The following PIWIL2 variants were observed in gnomAD, a reference collection of about 807,000 sequenced individuals.
The protein encoded by PIWIL2 is piwi like RNA-mediated gene silencing 2.
Under a neutral mutation model 116.5 loss-of-function variants are expected in PIWIL2, and 81 were observed. The observed-to-expected ratio is 0.70, with a 90% CI of 0.58 to 0.84. The LOEUF is 0.84. Ranked by LOEUF, PIWIL2 falls within the 40% of genes least tolerant of loss-of-function variation. The pLI is 0.00. For missense variants in PIWIL2, 1,272 were observed against 1,212.3 expected, an observed-to-expected ratio of 1.05 and a Z score of -0.73; for synonymous variants, 489 against 429.5, an observed-to-expected ratio of 1.14 and a Z score of -1.71.
chr8:22,353,239 G>C (rs1268393662), intron 21 of PIWIL2, 27 bp downstream of exon 21: 1 of 1,586,620 alleles, frequency 6.3e-7, no homozygotes, highest in Admixed American at 1.7e-5. Flanking sequence ...TGTAGTATTG[G>C]AGGAAGAATA....
intron 16 of PIWIL2, 108 bp downstream of exon 16, chr8:22,311,408 C>A: frequency 2.3e-6 from 2 of 861,820 alleles, no homozygotes; most frequent in Non-Finnish European, 3.6e-6. Context: ...TGCCCTAGAA[C>A]TTGTCTTACC....
chr8:22,309,007 G>A (rs1183700316), intron 14 of PIWIL2, among the ~76,000 whole-genome samples: 1 of 151,760 alleles, frequency 6.6e-6, no homozygotes, highest in African/African-American at 2.4e-5. Context: ...TGTTGGCCAG[G>A]CTGGAGTGTA....
intron 6 of PIWIL2, among the ~76,000 whole-genome samples, chr8:22,286,879 C>T (rs2131991975): frequency 6.6e-6 from 1 of 152,014 alleles, no homozygotes; most frequent in Non-Finnish European, 1.5e-5. Flanking sequence ...ACCTCGGCCT[C>T]CCAAAGTGCT....
At chr8:22,296,900 CA>C (rs1301020637) in intron 10 of PIWIL2, among the ~76,000 whole-genome samples, 1 of 152,082 alleles carries the variant, frequency 6.6e-6, no homozygotes, top group East Asian at 1.9e-4. Context: ...AAATGTTTTC[CA>C]ACTTGCCTTT....
chr8:22,320,920 C>G (rs1236425600), intron 20 of PIWIL2, among the ~76,000 whole-genome samples: 3 of 152,122 alleles, frequency 2.0e-5, no homozygotes, highest in African/African-American at 7.2e-5. Flanking sequence ...AAAGTGCAGT[C>G]TGCTGCAAGC....
At chr8:22,295,513 AC>A (rs373925702) in intron 10 of PIWIL2, among the ~76,000 whole-genome samples, 3 of 151,756 alleles carry the variant, frequency 2.0e-5, no homozygotes, top group African/African-American at 7.3e-5. Context: ...AGCTTTGAGA[AC>A]CTCTTCTCCA....
Position 22,355,395 on chromosome 8 carries a change from A to G in PIWIL2, c.2812A>G (p.Ile938Val), listed in dbSNP as rs1832466479. ...CATGTACTGGAATTGGCCTGGCACC[A>G]TCAGAGTTCCAGCTCCTTGCAAGTA... ...CHMYWNWPGT[I>V]RVPAPCKYAH... The change falls in exon 23 of 23, where the codon ATC (isoleucine) becomes GTC (valine). Residue 938 changes from isoleucine (I) to valine (V), a missense_variant. Ile to Val is a conservative substitution (Grantham distance 29). Coordinates refer to ENST00000356766, the MANE Select transcript of PIWIL2 (RefSeq NM_018068.5). 2 of 1,614,078 alleles carry G rather than the reference A, an allele frequency of 1.2e-6. No homozygotes were observed. Among genetic ancestry groups the G allele is most frequent in the Admixed American group, 1.7e-5 (1 of 60,010 alleles).
chr8:22,303,218 C>T (rs1831092698), intron 10 of PIWIL2, among the ~76,000 whole-genome samples: 1 of 152,122 alleles, frequency 6.6e-6, no homozygotes, highest in African/African-American at 2.4e-5. Flanking sequence ...TGTGAGGAAA[C>T]TGTATACACA....
chr8:22,328,818 G>GTTTTTTTT (rs57027657), intron 20 of PIWIL2, among the ~76,000 whole-genome samples: 1 of 107,162 alleles, frequency 9.3e-6, no homozygotes, highest in Non-Finnish European at 1.8e-5. Flanking sequence ...AGCTCTAGTC[G>GTTTTTTTT]TTTTTTTTTT....
intron 6 of PIWIL2, among the ~76,000 whole-genome samples, chr8:22,286,715 A>G (rs1202977867): frequency 6.6e-6 from 1 of 152,164 alleles, no homozygotes; most frequent in African/African-American, 2.4e-5. Flanking sequence ...TCCATCTCCC[A>G]GGCTGAAATG....
intron 20 of PIWIL2, among the ~76,000 whole-genome samples, chr8:22,335,188 G>GA (rs1831952258): frequency 6.6e-6 from 1 of 152,022 alleles, no homozygotes; most frequent in Non-Finnish European, 1.5e-5. Flanking sequence ...CAGAGTAATG[G>GA]AAAAATAGAA....
intron 10 of PIWIL2, among the ~76,000 whole-genome samples, chr8:22,297,735 T>G (rs190702322): frequency 8.5e-5 from 13 of 152,110 alleles, no homozygotes; most frequent in African/African-American, 2.9e-4. Flanking sequence ...GGATGAAAAA[T>G]TACTGATAGG....
Position 22,287,890 on chromosome 8 carries a change from CAG to C in PIWIL2, c.861+247_861+248del, listed in dbSNP as rs1452389434. On this transcript the variant is annotated intron_variant, in intron 7 of 22. Transcript: ENST00000356766. ...GCTTTTCTGTTCATAGAGGGGAAGACAGATTTCTGCAGGACATCACAGCACAT... is the reference window on the plus strand; with the variant it reads ...GCTTTTCTGTTCATAGAGGGGAAGACATTTCTGCAGGACATCACAGCACAT... Among the ~76,000 whole-genome samples, 3 of 152,286 alleles carry C rather than the reference CAG, an allele frequency of 2.0e-5. No homozygotes were observed. In the East Asian group the frequency reaches 5.8e-4, roughly 29 times the overall value.
intron 10 of PIWIL2, among the ~76,000 whole-genome samples, chr8:22,295,727 G>T (rs1306845078): frequency 6.6e-6 from 1 of 152,158 alleles, no homozygotes; most frequent in African/African-American, 2.4e-5. Context: ...AACCACAGAA[G>T]AGCATTTATT....
chr8:22,311,648 C>T (rs903452597), intron 16 of PIWIL2, among the ~76,000 whole-genome samples: 8 of 152,182 alleles, frequency 5.3e-5, no homozygotes, highest in East Asian at 3.9e-4. Context: ...TGAGCTGCCT[C>T]AGTCCGGCCT....
chr8:22,353,763 A>ATT (rs1563438535), intron 21 of PIWIL2, among the ~76,000 whole-genome samples: 1 of 61,556 alleles, frequency 1.6e-5, no homozygotes, highest in East Asian at 1.4e-3. Context: ...AGTTTCTACC[A>ATT]CTTTTTTTTT....
chr8:22,353,746 A>G (rs540981216), intron 21 of PIWIL2, among the ~76,000 whole-genome samples: 1 of 134,200 alleles, frequency 7.5e-6, no homozygotes, highest in East Asian at 2.7e-4. Context: ...CTACAGGAAG[A>G]TAAGGGAGTT....
At chr8:22,278,178 G>T (rs1051090423) in intron 1 of PIWIL2, among the ~76,000 whole-genome samples, 3 of 150,770 alleles carry the variant, frequency 2.0e-5, no homozygotes, top group African/African-American at 7.3e-5. Flanking sequence ...AAAAAAAAAA[G>T]GGGGGGAGGA....
chr8:22,306,309 A>G (rs946317017), intron 13 of PIWIL2, among the ~76,000 whole-genome samples: 4 of 152,240 alleles, frequency 2.6e-5, no homozygotes, highest in African/African-American at 9.6e-5. Flanking sequence ...CATCCTCACC[A>G]GTCAGGTGGA....
Sources: gnomAD v4.1 joint callset for allele counts (sites outside exome capture counted in the v4.1 genomes callset) on GRCh38, gnomAD v4.1.1 for gene constraint, MANE v1.5 for transcripts, NCBI Gene and HGNC (gene_info 2026-07-23, HGNC 2026-07-21) for gene names.